The following KSR1 variants were observed in gnomAD, a reference collection of about 807,000 sequenced individuals.
KSR1 encodes the protein kinase suppressor of ras 1.
A neutral mutation model predicts 92.9 loss-of-function variants in KSR1; 35 were observed. That is an observed-to-expected ratio of 0.38 (90% CI 0.29 to 0.50). The LOEUF is 0.50. Ranked by LOEUF, KSR1 falls within the 20% of genes least tolerant of loss-of-function variation. The pLI, the probability that KSR1 is intolerant of heterozygous loss-of-function variation, is 0.94. For missense variants in KSR1, 972 were observed against 1,158.5 expected (o/e 0.84, Z 2.34); for synonymous variants, 467 against 472.6 (o/e 0.99, Z 0.15).
At chr17:27,483,418 T>C (rs2068570737) in intron 1 of KSR1, among the ~76,000 whole-genome samples, 1 of 151,938 alleles carries the variant, frequency 6.6e-6, no homozygotes, top group African/African-American at 2.4e-5. Flanking sequence ...AGAAACCCTG[T>C]CTCTATTAAA....
At chr17:27,571,161 G>C (rs2072291227) in intron 2 of KSR1, among the ~76,000 whole-genome samples, 2 of 152,186 alleles carry the variant, frequency 1.3e-5, no homozygotes, top group Admixed American at 6.5e-5. Flanking sequence ...TGTTTGCCTT[G>C]CTTCCCAGGG....
At chr17:27,589,077 A>G (rs536916892) in intron 6 of KSR1, among the ~76,000 whole-genome samples, 73 of 152,052 alleles carry the variant, frequency 4.8e-4, no homozygotes, top group Non-Finnish European at 8.8e-4. Flanking sequence ...CCGGATCGCA[A>G]CTCCTTAAAA....
At chr17:27,502,236 G>C (rs2069215772) in intron 1 of KSR1, among the ~76,000 whole-genome samples, 1 of 152,228 alleles carries the variant, frequency 6.6e-6, no homozygotes. Flanking sequence ...GGAGAAAGCT[G>C]TATGCCTGTC....
intron 1 of KSR1, among the ~76,000 whole-genome samples, chr17:27,466,791 C>T (rs1294664577): frequency 1.3e-5 from 2 of 152,246 alleles, no homozygotes; most frequent in African/African-American, 4.8e-5. Context: ...CCAACGGAGG[C>T]CTGGGCCGGC....
Position 27,526,438 on chromosome 17 carries a change from G to A in KSR1, c.232-24130G>A. 3.2e-6 allele frequency: 5 copies of A among 1,568,980 alleles called. No homozygotes were observed. In the South Asian group the frequency reaches 5.9e-5, roughly 18 times the overall value. ...AAATGAGGAAGCAGGCCATTCCTTGGTAAAAGTTTGTAGTTTTTTTTCCCA... is the reference window on the plus strand; with the variant it reads ...AAATGAGGAAGCAGGCCATTCCTTGATAAAAGTTTGTAGTTTTTTTTCCCA... On this transcript the variant is annotated intron_variant, in intron 1 of 20. Coordinates refer to ENST00000644974, the MANE Select transcript of KSR1 (RefSeq NM_001394583.1).
chr17:27,617,219 TTTGTGG>T, intron 18 of KSR1, 70 bp from the exon 19 acceptor site: 1 of 1,465,624 alleles, frequency 6.8e-7, no homozygotes, highest in Non-Finnish European at 9.1e-7. Context: ...AAAGGGACCC[TTTGTGG>T]AGCACCCCTA....
At chr17:27,576,317 TA>T (rs2037278232) in intron 2 of KSR1, among the ~76,000 whole-genome samples, 1 of 152,200 alleles carries the variant, frequency 6.6e-6, no homozygotes, top group South Asian at 2.1e-4. Flanking sequence ...TGAATATATA[TA>T]TATATGATGT....
intron 15 of KSR1, among the ~76,000 whole-genome samples, chr17:27,608,315 T>C (rs2073819803): frequency 6.6e-6 from 1 of 152,230 alleles, no homozygotes; most frequent in African/African-American, 2.4e-5. Context: ...TGGGTAGGTT[T>C]AGCCTCTCTA....
intron 1 of KSR1, among the ~76,000 whole-genome samples, chr17:27,472,826 G>T (rs1271437052): frequency 6.6e-6 from 1 of 152,022 alleles, no homozygotes; most frequent in Non-Finnish European, 1.5e-5. Flanking sequence ...AAAAAAAATG[G>T]AATGGAAGGC....
intron 1 of KSR1, among the ~76,000 whole-genome samples, chr17:27,549,379 T>C (rs973918049): frequency 2.6e-5 from 4 of 152,214 alleles, no homozygotes; most frequent in Admixed American, 2.6e-4. Flanking sequence ...CGTTTCCATC[T>C]GTCGAGCCTA....
Position 27,617,396 on chromosome 17 carries a change from C to T in KSR1, c.2595C>T (p.Leu865=). The change falls in exon 19 of 21, where the codon CTC becomes CTT. Residue 865 remains leucine, a synonymous_variant. Transcript: ENST00000644974. ...LEKLPKLNRR[L]SHPGHFWKSA... ...AACTTCCCAAGCTGAACCGGCGGCT[C>T]TCCCACCCTGGACACTTCTGGAAGT... The T allele has an allele frequency of 6.2e-7, 1 of 1,612,962 alleles. No individual in the cohort carries two copies. Among genetic ancestry groups the T allele is most frequent in the African/African-American group, 1.3e-5 (1 of 74,990 alleles).
rs750688170 is a variant in KSR1 at position 27,611,520 on chromosome 17, G to A, written c.2384G>A (p.Arg795Lys). The part of the protein sequence containing the change: ...FGTVWYELQA[R>K]DWPLKNQAAE... ...ACTGTTTGGTATGAGCTGCAAGCAA[G>A]AGACTGGCCCTTGAAGAACCAGGCT... Residue 795 changes from arginine to lysine, a missense_variant, in exon 18 of 21, where the codon AGA (arginine) becomes AAA (lysine). Around this residue, in one of 5 missense-constraint regions of KSR1, gnomAD observed 260 missense variants for 375.2 expected, o/e 0.69. Transcript: ENST00000644974. 2.5e-6 allele frequency: 4 copies of A among 1,613,902 alleles called. No homozygotes were observed. The East Asian group carries it at 8.9e-5, about 36-fold the overall frequency.
At chr17:27,510,180 C>T (rs1395658235) in intron 1 of KSR1, among the ~76,000 whole-genome samples, 1 of 152,202 alleles carries the variant, frequency 6.6e-6, no homozygotes, top group Non-Finnish European at 1.5e-5. Context: ...GACTTCTGAT[C>T]CTTTCTTCTG....
At position 27,601,812 on chromosome 17, in the gene KSR1, T is replaced by G; in HGVS notation, c.1510+411T>G. 6.1e-6 allele frequency: 6 copies of G among 982,192 alleles called. No homozygotes were observed. In the South Asian group the frequency reaches 7.3e-5, roughly 12 times the overall value. The allele number at this position is 982,192 out of a possible 1,614,324, so 60.8% of individuals were successfully genotyped here. On this transcript the variant is annotated intron_variant, in intron 11 of 20. Coordinates refer to ENST00000644974, the MANE Select transcript of KSR1 (RefSeq NM_001394583.1). ...ATGGGAGGATATCTTATGCACAATG[T>G]CTTAGAGAAGTAGAAACCCATTTGG...
chr17:27,479,812 A>G (rs1415816425), intron 1 of KSR1, among the ~76,000 whole-genome samples: 1 of 152,120 alleles, frequency 6.6e-6, no homozygotes, highest in East Asian at 1.9e-4. Flanking sequence ...CCATCTGCAG[A>G]ACAGGTGCTG....
chr17:27,523,685 G>A (rs898402324), intron 1 of KSR1, among the ~76,000 whole-genome samples: 2 of 152,136 alleles, frequency 1.3e-5, no homozygotes, highest in East Asian at 1.9e-4. Context: ...CGGTGTGGTG[G>A]GTCCACAAAG....
At chr17:27,617,969 C>T (rs1442587564) in intron 19 of KSR1, among the ~76,000 whole-genome samples, 4 of 152,152 alleles carry the variant, frequency 2.6e-5, no homozygotes, top group South Asian at 2.1e-4. Context: ...TCCAGTTTGC[C>T]GCTATGAAAT....
chr17:27,590,257 GTACCT>G (rs2073118423), intron 6 of KSR1, among the ~76,000 whole-genome samples: 1 of 152,096 alleles, frequency 6.6e-6, no homozygotes, highest in Non-Finnish European at 1.5e-5. Flanking sequence ...ATATCTTATT[GTACCT>G]TACTTTTTTA....
intron 1 of KSR1, among the ~76,000 whole-genome samples, chr17:27,488,295 A>G (rs2068726775): frequency 6.6e-6 from 1 of 152,098 alleles, no homozygotes; most frequent in Non-Finnish European, 1.5e-5. Flanking sequence ...CAATCCTTTT[A>G]CTGAAGTGAG....
Sources: allele counts gnomAD v4.1 joint callset (sites outside exome capture counted in the v4.1 genomes callset), GRCh38; gene constraint gnomAD v4.1.1; regional missense constraint gnomAD v4.1.1; transcripts MANE v1.5; gene names NCBI Gene and HGNC (gene_info 2026-07-23, HGNC 2026-07-21).